POLR3B: variants seen among roughly 807,000 people sequenced by gnomAD.
POLR3B encodes the protein RNA polymerase III subunit B.
A neutral mutation model predicts 147.4 loss-of-function variants in POLR3B; 96 were observed. That is an observed-to-expected ratio of 0.65 (90% confidence interval 0.55 to 0.77). The LOEUF is 0.77. Ranked by LOEUF, POLR3B falls within the 30% of genes least tolerant of loss-of-function variation. POLR3B has a pLI of 0.00. For synonymous variants in POLR3B, 461 were observed against 485.9 expected, an observed-to-expected ratio of 0.95 and a Z score of 0.67; for missense variants, 1,036 against 1,413.5, an observed-to-expected ratio of 0.73 and a Z score of 4.28.
chr12:106,408,968 A>G (rs999986835), intron 11 of POLR3B, among the ~76,000 whole-genome samples: 2 of 152,206 alleles, frequency 1.3e-5, no homozygotes, highest in African/African-American at 4.8e-5. Flanking sequence ...ATCGAGTGGC[A>G]TTATACAGTT....
intron 23 of POLR3B, among the ~76,000 whole-genome samples, chr12:106,492,968 G>A (rs1356933442): frequency 1.3e-5 from 2 of 152,130 alleles, no homozygotes; most frequent in African/African-American, 2.4e-5. Context: ...TGCATTAAAT[G>A]TTCCTGAGCA....
intron 10 of POLR3B, among the ~76,000 whole-genome samples, chr12:106,393,529 G>GTGTA (rs1555210505): frequency 7.0e-6 from 1 of 142,878 alleles, no homozygotes; most frequent in African/African-American, 2.6e-5. Flanking sequence ...GTGTGTGTGT[G>GTGTA]TATGTGTGCA....
chr12:106,492,451 G>A (rs1368340848), intron 23 of POLR3B, among the ~76,000 whole-genome samples: 4 of 152,140 alleles, frequency 2.6e-5, no homozygotes, highest in Non-Finnish European at 4.4e-5. Flanking sequence ...CAGCTACTAG[G>A]GAGGCTGAAG....
rs368147539 is a variant in POLR3B at position 106,381,543 on chromosome 12, A to G, written c.723+1404A>G. Among the ~76,000 whole-genome samples the G allele has an allele frequency of 3.0e-3, 451 of 152,352 alleles. 1 individual carries two copies. Among genetic ancestry groups the G allele is most frequent in the African/African-American group, 9.3e-3 (387 of 41,586 alleles). On this transcript the variant is annotated intron_variant, in intron 9 of 27. Coordinates refer to ENST00000228347, the MANE Select transcript of POLR3B (RefSeq NM_018082.6). ...CCCATTCAAGTTATATCATGAGATT[A>G]CACCAATTCAGTCACATCTTCAGGC...
intron 12 of POLR3B, 59 bp from the exon 13 acceptor site, chr12:106,427,138 T>G (rs2037450128): frequency 2.7e-6 from 3 of 1,119,238 alleles, no homozygotes; most frequent in Non-Finnish European, 3.9e-6. Context: ...TAAAATTTAT[T>G]AAAATAATCT....
chr12:106,417,712 G>A (rs905665854), intron 12 of POLR3B, among the ~76,000 whole-genome samples: 1 of 152,140 alleles, frequency 6.6e-6, no homozygotes, highest in African/African-American at 2.4e-5. Context: ...CTACTTAGCA[G>A]TTTGGTTTTT....
intron 6 of POLR3B, among the ~76,000 whole-genome samples, chr12:106,372,723 T>G (rs1307356959): frequency 3.9e-5 from 6 of 152,196 alleles, no homozygotes; most frequent in Non-Finnish European, 7.3e-5. Context: ...CCTCCTGATA[T>G]ACGGGATGTG....
chr12:106,390,743 A>G (rs1179367474), intron 9 of POLR3B, among the ~76,000 whole-genome samples: 2 of 151,714 alleles, frequency 1.3e-5, no homozygotes, highest in East Asian at 1.9e-4. Flanking sequence ...TTTTAAATTC[A>G]GATAGTGAAT....
intron 23 of POLR3B, among the ~76,000 whole-genome samples, chr12:106,488,447 T>G (rs189579230): frequency 2.6e-5 from 4 of 152,354 alleles, no homozygotes; most frequent in African/African-American, 9.6e-5. Context: ...TTTAGTTTTG[T>G]TTTAAATTCA....
chr12:106,380,285 G>T, intron 9 of POLR3B, 146 bp downstream of exon 9: 1 of 645,854 alleles, frequency 1.5e-6, no homozygotes, highest in Non-Finnish European at 2.8e-6. Flanking sequence ...ATTTTAAATT[G>T]AAAGCTGGCT....
At chr12:106,404,079 G>A (rs1223314054) in intron 10 of POLR3B, among the ~76,000 whole-genome samples, 1 of 147,546 alleles carries the variant, frequency 6.8e-6, no homozygotes, top group African/African-American at 2.6e-5. Flanking sequence ...AGCTGTGTAT[G>A]AGAGTTGTTT....
At chr12:106,480,401 C>G (rs1037515776) in intron 23 of POLR3B, among the ~76,000 whole-genome samples, 1 of 152,178 alleles carries the variant, frequency 6.6e-6, no homozygotes. Flanking sequence ...ATACTAGGAT[C>G]TTTCTAACTC....
chr12:106,422,993 T>C (rs2136949566), intron 12 of POLR3B, among the ~76,000 whole-genome samples: 1 of 152,334 alleles, frequency 6.6e-6, no homozygotes, highest in South Asian at 2.1e-4. Flanking sequence ...TAAAGATTTA[T>C]AATTTTATTC....
intron 19 of POLR3B, among the ~76,000 whole-genome samples, chr12:106,448,137 T>C (rs2037746554): frequency 6.6e-6 from 1 of 152,136 alleles, no homozygotes; most frequent in Non-Finnish European, 1.5e-5. Context: ...CCCTGGAAAT[T>C]ATTTTTTGAA....
At chr12:106,472,651 T>C (rs2038110460) in intron 23 of POLR3B, among the ~76,000 whole-genome samples, 1 of 145,826 alleles carries the variant, frequency 6.9e-6, no homozygotes, top group African/African-American at 2.6e-5. Flanking sequence ...TTTGGCTGCA[T>C]AAATGTCTTC....
rs550562298 is a variant in POLR3B, at chr12:106,383,153, C to T, written c.723+3014C>T. ...CCTCTTCCTCACCTCTCTCAGCCTT[C>T]GTAGAATTGAAGAGAGTTAGGCCCT... On this transcript the variant is annotated intron_variant, in intron 9 of 27. Coordinates refer to ENST00000228347, the MANE Select transcript of POLR3B (RefSeq NM_018082.6). Among the ~76,000 whole-genome samples, 5 of 152,272 alleles carry T rather than the reference C, an allele frequency of 3.3e-5. No individual in the cohort carries two copies. In the East Asian group the frequency reaches 7.7e-4, roughly 23 times the overall value.
At chr12:106,435,226 C>T (rs2037561851) in intron 16 of POLR3B, among the ~76,000 whole-genome samples, 1 of 151,792 alleles carries the variant, frequency 6.6e-6, no homozygotes, top group Non-Finnish European at 1.5e-5. Flanking sequence ...CTCCCAGGTT[C>T]AAGCGATTCT....
At chr12:106,499,457 G>C (rs1249126655) in intron 25 of POLR3B, among the ~76,000 whole-genome samples, 3 of 152,188 alleles carry the variant, frequency 2.0e-5, no homozygotes, top group Non-Finnish European at 4.4e-5. Context: ...GCACTGTTTA[G>C]TTGAAAATTC....
intron 10 of POLR3B, among the ~76,000 whole-genome samples, chr12:106,402,003 GAA>G (rs999666392): frequency 7.9e-5 from 12 of 152,136 alleles, no homozygotes; most frequent in African/African-American, 2.9e-4. Flanking sequence ...ATTCAATTAG[GAA>G]AAGAGGAAGT....
Sources: gnomAD v4.1 joint callset for allele counts (sites outside exome capture counted in the v4.1 genomes callset) on GRCh38, gnomAD v4.1.1 for gene constraint, MANE v1.5 for transcripts, NCBI Gene and HGNC (gene_info 2026-07-23, HGNC 2026-07-21) for gene names.